Variants in RARB observed in about 807,000 individuals in gnomAD.
The protein encoded by RARB is retinoic acid receptor beta.
RARB carries 17 observed loss-of-function variants against 51.9 expected under a neutral mutation model. That is an observed-to-expected ratio of 0.33 (90% CI 0.22 to 0.49). The LOEUF is 0.49. Ranked by LOEUF, RARB falls within the 20% of genes least tolerant of loss-of-function variation. The pLI, the probability that RARB is intolerant of heterozygous loss-of-function variation, is 0.99. For missense variants in RARB, 369 were observed against 550.8 expected, an observed-to-expected ratio of 0.67 and a Z score of 3.30; for synonymous variants, 215 against 195.4, an observed-to-expected ratio of 1.10 and a Z score of -0.84.
At chr3:25,541,820 C>T (rs1038025449) in intron 3 of RARB, among the ~76,000 whole-genome samples, 9 of 152,200 alleles carry the variant, frequency 5.9e-5, no homozygotes, top group Admixed American at 5.2e-4. Flanking sequence ...TACAGAACAA[C>T]CCTCCGGCCC....
intron 4 of RARB, among the ~76,000 whole-genome samples, chr3:25,156,746 A>C (rs1700381793): frequency 6.6e-6 from 1 of 152,166 alleles, no homozygotes; most frequent in African/African-American, 2.4e-5. Context: ...TTTGGCCCAG[A>C]GGAATTTTTA....
intron 2 of RARB, among the ~76,000 whole-genome samples, chr3:25,479,213 G>T (rs1336359772): frequency 6.6e-6 from 1 of 152,104 alleles, no homozygotes; most frequent in Non-Finnish European, 1.5e-5. Flanking sequence ...TGTGTCAAGG[G>T]AAGGGCAATG....
chr3:25,104,153 G>T (rs1246333447), intron 3 of RARB, among the ~76,000 whole-genome samples: 2 of 152,160 alleles, frequency 1.3e-5, no homozygotes, highest in African/African-American at 4.8e-5. Flanking sequence ...GCACGGAAAT[G>T]CAAATTAAAA....
chr3:24,973,870 A>T lies in RARB; in HGVS notation c.-379-86255A>T, dbSNP rs115961937. Reference sequence around the variant, plus strand: ...TTTTGGTGGAGCCTTTAGATTTTTTAAAATGTAAGATTATGTCATCTGCAT... The same window carrying T: ...TTTTGGTGGAGCCTTTAGATTTTTTTAAATGTAAGATTATGTCATCTGCAT... On this transcript the variant is annotated intron_variant, in intron 2 of 11. Coordinates refer to the RARB transcript ENST00000383772. Among the ~76,000 whole-genome samples, 185 of 152,032 alleles carry T rather than the reference A, an allele frequency of 1.2e-3. 1 individual carries two copies. The highest frequency in any genetic ancestry group is 4.1e-3 in the African/African-American group (172 of 41,502).
At chr3:25,143,026 A>T (rs190538496) in intron 4 of RARB, among the ~76,000 whole-genome samples, 2 of 152,208 alleles carry the variant, frequency 1.3e-5, no homozygotes, top group Non-Finnish European at 2.9e-5. Flanking sequence ...TGGAGCAGGC[A>T]GAAAAGTTGA....
intron 3 of RARB, among the ~76,000 whole-genome samples, chr3:25,561,587 T>C (rs961471643): frequency 6.6e-6 from 1 of 152,088 alleles, no homozygotes; most frequent in African/African-American, 2.4e-5. Context: ...TGGTCTTGGC[T>C]GGAACAACTG....
At chr3:25,296,842 T>C (rs183181661) in intron 5 of RARB, among the ~76,000 whole-genome samples, 20 of 152,306 alleles carry the variant, frequency 1.3e-4, no homozygotes, top group Admixed American at 2.0e-4. Context: ...GCCAGACATC[T>C]CACTTGCATG....
intron 5 of RARB, among the ~76,000 whole-genome samples, chr3:25,363,290 T>C (rs1706010295): frequency 6.6e-6 from 1 of 152,156 alleles, no homozygotes; most frequent in Non-Finnish European, 1.5e-5. Flanking sequence ...CCATGATATC[T>C]ATAATTGATG....
intron 2 of RARB, among the ~76,000 whole-genome samples, chr3:24,979,998 TA>T (rs528852392): frequency 1.5e-3 from 235 of 152,330 alleles, no homozygotes; most frequent in African/African-American, 5.5e-3. Flanking sequence ...TCCTTGTCTG[TA>T]AAGGATTTTA....
chr3:25,145,258 C>T (rs1221683399), intron 4 of RARB, among the ~76,000 whole-genome samples: 1 of 152,172 alleles, frequency 6.6e-6, no homozygotes, highest in Non-Finnish European at 1.5e-5. Flanking sequence ...CCTCCCTGTT[C>T]CCTTGACAGA....
chr3:25,343,375 C>G (rs1410901082), intron 5 of RARB, among the ~76,000 whole-genome samples: 3 of 151,916 alleles, frequency 2.0e-5, no homozygotes, highest in Non-Finnish European at 4.4e-5. Flanking sequence ...CCCCCTTTGT[C>G]TTTAATGCAT....
intron 5 of RARB, among the ~76,000 whole-genome samples, chr3:25,188,002 A>C (rs1448184454): frequency 6.6e-6 from 1 of 152,118 alleles, no homozygotes; most frequent in Non-Finnish European, 1.5e-5. Flanking sequence ...TAAAATGTCG[A>C]TGGAGAAATG....
At chr3:25,124,300 G>A (rs1256185942) in intron 3 of RARB, among the ~76,000 whole-genome samples, 1 of 152,154 alleles carries the variant, frequency 6.6e-6, no homozygotes. Flanking sequence ...CTTGAACCCA[G>A]GAGGTGAAAG....
At chr3:25,245,793 C>G (rs1017016204) in intron 5 of RARB, among the ~76,000 whole-genome samples, 2 of 152,012 alleles carry the variant, frequency 1.3e-5, no homozygotes, top group Admixed American at 1.3e-4. Flanking sequence ...TGGGGTTGCT[C>G]TTCTCGAGGA....
chr3:25,008,051 A>G (rs953204547), intron 2 of RARB, among the ~76,000 whole-genome samples: 8 of 152,142 alleles, frequency 5.3e-5, no homozygotes, highest in Admixed American at 3.9e-4. Context: ...AAAAAGCTCT[A>G]TATTCTAATG....
At chr3:25,127,142 G>A (rs750131750) in intron 3 of RARB, among the ~76,000 whole-genome samples, 10 of 152,100 alleles carry the variant, frequency 6.6e-5, no homozygotes, top group Non-Finnish European at 1.5e-4. Flanking sequence ...TCTTGGAAGA[G>A]TATAAACTGA....
intron 5 of RARB, among the ~76,000 whole-genome samples, chr3:25,581,481 C>CT (rs932940543): frequency 1.3e-5 from 2 of 152,120 alleles, no homozygotes; most frequent in African/African-American, 4.8e-5. Context: ...ACAAAGTGTG[C>CT]TGACCCCCTT....
rs60292267 is a variant in RARB, at chr3:24,970,574, A to AACACACAC, written c.-379-89527_-379-89520dup. 1.6e-3 allele frequency among the ~76,000 whole-genome samples: 245 copies of AACACACAC among 148,878 alleles called. 4 individuals carry two copies. In the South Asian group the frequency reaches 0.028, roughly 17 times the overall value. ...TAAATAAATTCCACCAAGTCATGTA[A>AACACACAC]ACACACACACACACACACACACACA... is the stretch of plus-strand genomic sequence containing the variant. On this transcript the variant is annotated intron_variant, in intron 2 of 11. Coordinates refer to the RARB transcript ENST00000383772.
At chr3:25,321,074 G>A (rs565190449) in intron 5 of RARB, among the ~76,000 whole-genome samples, 1 of 152,302 alleles carries the variant, frequency 6.6e-6, no homozygotes, top group African/African-American at 2.4e-5. Flanking sequence ...TATAACCCCG[G>A]TGTGGAACTC....
Sources: allele counts gnomAD v4.1 joint callset (sites outside exome capture counted in the v4.1 genomes callset), GRCh38; gene constraint gnomAD v4.1.1; transcripts MANE v1.5; gene names NCBI Gene and HGNC (gene_info 2026-07-23, HGNC 2026-07-21).